The following AKAP6 variants were observed in gnomAD, a reference collection of about 807,000 sequenced individuals.
AKAP6 encodes the protein A-kinase anchoring protein 6.
In AKAP6, 58 loss-of-function variants were observed where a neutral mutation model predicts 188.5. The ratio of observed to expected loss-of-function variants is 0.31; its 90% confidence interval spans 0.25 to 0.38. AKAP6 has a LOEUF of 0.38. Among genes scored for constraint, AKAP6 ranks in the 10% least tolerant of loss-of-function variants. AKAP6 has a pLI of 1.00. For synonymous variants in AKAP6, 989 were observed against 998.6 expected, an observed-to-expected ratio of 0.99 and a Z score of 0.18; for missense variants, 2,710 against 2,740.0, an observed-to-expected ratio of 0.99 and a Z score of 0.24.
intron 11 of AKAP6, among the ~76,000 whole-genome samples, chr14:32,767,280 A>G (rs1326853965): frequency 1.3e-5 from 2 of 152,154 alleles, no homozygotes; most frequent in Admixed American, 6.5e-5. Context: ...TTATTATGTG[A>G]AGTCACCTTC....
chr14:32,565,153 T>A (rs1367075799), intron 4 of AKAP6, among the ~76,000 whole-genome samples: 1 of 152,208 alleles, frequency 6.6e-6, no homozygotes, highest in East Asian at 1.9e-4. Flanking sequence ...ACCCTGTATG[T>A]TGCTTTCTCT....
At chr14:32,706,151 G>T (rs891260586) in intron 9 of AKAP6, among the ~76,000 whole-genome samples, 1 of 152,110 alleles carries the variant, frequency 6.6e-6, no homozygotes, top group African/African-American at 2.4e-5. Flanking sequence ...TCTTTTGCTC[G>T]CCTGCTCATT....
chr14:32,525,544 CTT>C (rs895634322), intron 2 of AKAP6, among the ~76,000 whole-genome samples: 3 of 152,190 alleles, frequency 2.0e-5, no homozygotes, highest in Non-Finnish European at 2.9e-5. Flanking sequence ...TCTATCATCT[CTT>C]CCACGCTTCC....
intron 1 of AKAP6, among the ~76,000 whole-genome samples, chr14:32,343,848 C>A (rs1886978461): frequency 6.6e-6 from 1 of 151,526 alleles, no homozygotes; most frequent in African/African-American, 2.4e-5. Flanking sequence ...ATGCTTCACA[C>A]CCCATTAAAA....
Position 32,764,965 on chromosome 14 carries a change from C to T in AKAP6, c.3373-8713C>T, listed in dbSNP as rs775639877. On this transcript the variant is annotated intron_variant, in intron 11 of 13. Coordinates refer to ENST00000280979, the MANE Select transcript of AKAP6 (RefSeq NM_004274.5). ...TTTTTTTTTTTTTGAGACGGAATCT[C>T]TCTCTGTCACCAGGGCTGGAATGCG... Among the ~76,000 whole-genome samples the T allele has an allele frequency of 2.8e-3, 377 of 136,692 alleles. 1 individual carries two copies. The highest frequency in any genetic ancestry group is 4.5e-3 in the Middle Eastern group (1 of 222). The allele number at this position is 136,692 out of a possible 152,430, so 89.7% of individuals were successfully genotyped here.
intron 2 of AKAP6, among the ~76,000 whole-genome samples, chr14:32,443,613 A>G (rs1487589930): frequency 3.3e-5 from 5 of 152,120 alleles, no homozygotes; most frequent in African/African-American, 1.2e-4. Flanking sequence ...TGCTTGTTCC[A>G]TTCATTCTCC....
intron 9 of AKAP6, among the ~76,000 whole-genome samples, chr14:32,728,736 A>C (rs1467811163): frequency 6.6e-6 from 1 of 152,224 alleles, no homozygotes; most frequent in East Asian, 1.9e-4. Context: ...TAACCAACAG[A>C]AGCACCATAC....
chr14:32,564,116 C>T (rs1373786453), intron 4 of AKAP6, among the ~76,000 whole-genome samples: 3 of 151,948 alleles, frequency 2.0e-5, no homozygotes, highest in Non-Finnish European at 4.4e-5. Flanking sequence ...CTTGTAATAT[C>T]TAATATAATG....
At chr14:32,730,667 A>T (rs2031132182) in intron 9 of AKAP6, among the ~76,000 whole-genome samples, 1 of 152,176 alleles carries the variant, frequency 6.6e-6, no homozygotes, top group Admixed American at 6.6e-5. Flanking sequence ...CATGTGGCAT[A>T]AGTAAAATAT....
chr14:32,786,253 C>G (rs1045807463), intron 12 of AKAP6, among the ~76,000 whole-genome samples: 2 of 144,984 alleles, frequency 1.4e-5, no homozygotes, highest in Non-Finnish European at 3.0e-5. Context: ...CTGTAAAATA[C>G]TCATTTCAGC....
chr14:32,588,167 T>A (rs1308448121), intron 5 of AKAP6, among the ~76,000 whole-genome samples: 2 of 152,248 alleles, frequency 1.3e-5, no homozygotes, highest in African/African-American at 4.8e-5. Context: ...ATGCATACAC[T>A]TTAAGGATTA....
intron 1 of AKAP6, among the ~76,000 whole-genome samples, chr14:32,386,256 A>T (rs539652973): frequency 6.6e-6 from 1 of 152,106 alleles, no homozygotes; most frequent in South Asian, 2.1e-4. Context: ...CACCACATCC[A>T]TGCCAACATC....
chr14:32,810,365 T>C (rs2034193708), intron 12 of AKAP6, among the ~76,000 whole-genome samples: 1 of 152,140 alleles, frequency 6.6e-6, no homozygotes, highest in Admixed American at 6.6e-5. Flanking sequence ...ACAGTTTGAA[T>C]TAAGGTCCTG....
At chr14:32,427,237 C>A (rs1284940562) in intron 1 of AKAP6, among the ~76,000 whole-genome samples, 3 of 152,176 alleles carry the variant, frequency 2.0e-5, no homozygotes, top group Admixed American at 2.0e-4. Context: ...TAATCTGGGG[C>A]TACTGCAGTG....
Position 32,732,257 on chromosome 14 carries a change from C to CTGTG in AKAP6, c.3001-181_3001-178dup, listed in dbSNP as rs3830858. 1.1e-4 allele frequency among the ~76,000 whole-genome samples: 17 copies of CTGTG among 150,118 alleles called. No individual in the cohort carries two copies. In the South Asian group the frequency reaches 1.3e-3, roughly 11 times the overall value. On this transcript the variant is annotated intron_variant, in intron 9 of 13. Transcript: ENST00000280979. Reference sequence around the variant, plus strand: ...AATCTTAGTCAACTAAATGTAATAACTGTGTGTGTGTGTGTGTGTATATAA... The same window carrying CTGTG: ...AATCTTAGTCAACTAAATGTAATAACTGTGTGTGTGTGTGTGTGTGTGTATATAA...
chr14:32,819,037 T>C (rs760722416), intron 12 of AKAP6, among the ~76,000 whole-genome samples: 1 of 152,190 alleles, frequency 6.6e-6, no homozygotes, highest in Non-Finnish European at 1.5e-5. Flanking sequence ...TAACTGGTCA[T>C]TAGTACTTCC....
At chr14:32,437,910 A>C (rs1489067000) in intron 2 of AKAP6, among the ~76,000 whole-genome samples, 1 of 152,000 alleles carries the variant, frequency 6.6e-6, no homozygotes, top group East Asian at 1.9e-4. Context: ...AATGGTTCTT[A>C]TCACTAGCTG....
At chr14:32,576,791 G>C (rs545278221) in intron 4 of AKAP6, among the ~76,000 whole-genome samples, 1 of 152,138 alleles carries the variant, frequency 6.6e-6, no homozygotes, top group South Asian at 2.1e-4. Context: ...TTTTGGCAGG[G>C]GGATGCTTGT....
At chr14:32,458,497 T>C (rs1415772382) in intron 2 of AKAP6, among the ~76,000 whole-genome samples, 4 of 152,196 alleles carry the variant, frequency 2.6e-5, no homozygotes, top group Admixed American at 2.0e-4. Flanking sequence ...ATATTATTTG[T>C]AATTGTAAAT....
Sources: allele counts gnomAD v4.1 joint callset (sites outside exome capture counted in the v4.1 genomes callset), GRCh38; gene constraint gnomAD v4.1.1; transcripts MANE v1.5; gene names NCBI Gene and HGNC (gene_info 2026-07-23, HGNC 2026-07-21).